The following MON2 variants were observed in gnomAD, a reference collection of about 807,000 sequenced individuals.
MON2 encodes the protein protein MON2 homolog.
In MON2, 84 loss-of-function variants were observed where a neutral mutation model predicts 208.6. That is an observed-to-expected ratio of 0.40 (90% CI 0.34 to 0.48). The LOEUF (loss-of-function observed/expected upper bound fraction) is 0.48. Ranked by LOEUF, MON2 falls within the 20% of genes least tolerant of loss-of-function variation. The probability of loss-of-function intolerance (pLI) is 0.59; values close to 1 mark genes in which losing one functional copy is unlikely to be tolerated. For missense variants in MON2, 1,611 were observed against 2,015.4 expected (o/e 0.80, Z 3.84); for synonymous variants, 660 against 694.0 (o/e 0.95, Z 0.77).
chr12:62,588,910 C>T, intron 34 of MON2: 1 of 1,452,102 alleles, frequency 6.9e-7, no homozygotes, highest in East Asian at 2.5e-5. Flanking sequence ...TTTTTAATCT[C>T]TTAAAGGTAA....
chr12:62,517,240 T>A (rs180952771), intron 8 of MON2, among the ~76,000 whole-genome samples: 2 of 152,198 alleles, frequency 1.3e-5, no homozygotes, highest in Admixed American at 6.5e-5. Flanking sequence ...CCCCTTTTCC[T>A]TTTCATATCC....
chr12:62,516,453 C>T (rs183951764), intron 8 of MON2, among the ~76,000 whole-genome samples: 3 of 152,208 alleles, frequency 2.0e-5, no homozygotes, highest in Non-Finnish European at 2.9e-5. Context: ...GCTTGTAGTC[C>T]CAGCACTTTG....
intron 30 of MON2, among the ~76,000 whole-genome samples, chr12:62,576,638 A>G (rs186966544): frequency 3.3e-5 from 5 of 152,140 alleles, no homozygotes; most frequent in African/African-American, 9.6e-5. Context: ...AAGATCTTAC[A>G]TGGCTTATTT....
chr12:62,578,507 T>G lies in MON2; in HGVS notation c.4575+2T>G. 6.7e-7 allele frequency: 1 copy of G among 1,494,168 alleles called. No homozygotes were observed. The allele number at this position is 1,494,168 out of a possible 1,614,324, so 92.6% of individuals were successfully genotyped here. On this transcript the variant is annotated splice_donor_variant, in intron 31 of 34. Coordinates refer to ENST00000393630, the MANE Select transcript of MON2 (RefSeq NM_015026.3). LOFTEE classifies it high-confidence loss of function. ...AGAAATGAAAATATTGATGTCGAGGTAAGGAGGCTATTTAAAATGTTTTCC... is the reference window on the plus strand; with the variant it reads ...AGAAATGAAAATATTGATGTCGAGGGAAGGAGGCTATTTAAAATGTTTTCC...
chr12:62,539,475 G>A (rs1022900405), intron 19 of MON2, among the ~76,000 whole-genome samples: 1 of 151,746 alleles, frequency 6.6e-6, no homozygotes, highest in Admixed American at 6.6e-5. Context: ...CACTGTGTTA[G>A]CCAGGATGGT....
intron 7 of MON2, among the ~76,000 whole-genome samples, chr12:62,503,314 C>CT (rs2070936811): frequency 6.6e-6 from 1 of 152,130 alleles, no homozygotes; most frequent in Non-Finnish European, 1.5e-5. Flanking sequence ...TGTATCCTCT[C>CT]TTTTTTATAT....
chr12:62,554,417 TG>T (rs1359169535), intron 24 of MON2, among the ~76,000 whole-genome samples: 1 of 152,192 alleles, frequency 6.6e-6, no homozygotes, highest in African/African-American at 2.4e-5. Context: ...ATCAAGTTCC[TG>T]GGTGAAGCTT....
chr12:62,557,283 A>G (rs1276188125), intron 25 of MON2, among the ~76,000 whole-genome samples: 1 of 152,196 alleles, frequency 6.6e-6, no homozygotes, highest in Non-Finnish European at 1.5e-5. Context: ...TTGGTTGTGT[A>G]TATCAGTGGT....
chr12:62,530,692 A>G (rs2072592709), intron 11 of MON2, among the ~76,000 whole-genome samples: 1 of 152,088 alleles, frequency 6.6e-6, no homozygotes, highest in South Asian at 2.1e-4. Context: ...TACTACCATG[A>G]GCATTTGTCT....
chr12:62,502,166 G>A (rs917309932), intron 7 of MON2, among the ~76,000 whole-genome samples: 1 of 152,114 alleles, frequency 6.6e-6, no homozygotes, highest in Non-Finnish European at 1.5e-5. Context: ...GTTGCGGTGA[G>A]CCAAGATCGC....
chr12:62,526,048 G>T lies in MON2; in HGVS notation c.1346G>T (p.Gly449Val). Residue 449 changes from glycine to valine, a missense_variant, in exon 11 of 35, where the codon GGA becomes GTA. Transcript: ENST00000393630. Reference protein sequence around the residue: ...VTLLPAFEYRGTWIPILTITV... With the variant: ...VTLLPAFEYRVTWIPILTITV... ...TTGCTACCAGCATTTGAATATAGGGGAACCTGGATACCTATTCTGACAATC... is the reference window on the plus strand; with the variant it reads ...TTGCTACCAGCATTTGAATATAGGGTAACCTGGATACCTATTCTGACAATC... The T allele has an allele frequency of 6.2e-7, 1 of 1,613,810 alleles. No individual in the cohort carries two copies. Among genetic ancestry groups the T allele is most frequent in the Non-Finnish European group, 8.5e-7 (1 of 1,179,818 alleles).
chr12:62,574,900 G>C (rs2074720534), intron 30 of MON2, among the ~76,000 whole-genome samples: 1 of 152,108 alleles, frequency 6.6e-6, no homozygotes, highest in South Asian at 2.1e-4. Context: ...AAGTTGGGTG[G>C]ATTGCTTGGG....
chr12:62,495,689 CAAAAAA>C (rs56155110), intron 4 of MON2, among the ~76,000 whole-genome samples: 1 of 108,516 alleles, frequency 9.2e-6, no homozygotes, highest in Non-Finnish European at 1.9e-5. Context: ...GACTCCGTCT[CAAAAAA>C]AAAAAAAAAA....
rs143353574 is a variant in MON2, at chr12:62,571,678, T to A, written c.4514+96T>A. On this transcript the variant is annotated intron_variant, in intron 30 of 34. Coordinates refer to ENST00000393630, the MANE Select transcript of MON2 (RefSeq NM_015026.3). ...TGTCTTTATTCATTAACAAAGTAAT[T>A]GATTATAAAGGTTGCTAGATTGTAT... is the stretch of plus-strand genomic sequence containing the variant. The A allele has an allele frequency of 1.8e-3, 1,846 of 1,031,784 alleles. 3 individuals carry two copies. The highest frequency in any genetic ancestry group is 2.2e-3 in the Non-Finnish European group (1,616 of 724,700). 63.9% of individuals were successfully genotyped at this position (1,031,784 alleles called of 1,614,324 possible).
At chr12:62,544,337 T>C (rs1322163568) in intron 20 of MON2, among the ~76,000 whole-genome samples, 10 of 152,068 alleles carry the variant, frequency 6.6e-5, no homozygotes, top group African/African-American at 2.4e-4. Context: ...TTCTAACTAC[T>C]TGGGAGGCTG....
chr12:62,579,597 G>T (rs926705898), intron 31 of MON2, among the ~76,000 whole-genome samples: 6 of 151,840 alleles, frequency 4.0e-5, no homozygotes, highest in African/African-American at 1.2e-4. Flanking sequence ...GTGGTGGTGG[G>T]CCCCTGTAGT....
At chr12:62,469,114 CCTT>C (rs1372513930) in intron 1 of MON2, among the ~76,000 whole-genome samples, 2 of 107,510 alleles carry the variant, frequency 1.9e-5, no homozygotes, top group Non-Finnish European at 3.6e-5. Context: ...TAATTTTTCG[CCTT>C]TTTTTTTTTT....
chr12:62,564,189 A>C (rs1465349220), intron 26 of MON2, among the ~76,000 whole-genome samples: 4 of 152,128 alleles, frequency 2.6e-5, no homozygotes, highest in Non-Finnish European at 5.9e-5. Flanking sequence ...TTATAGCTAA[A>C]TGGCTACATC....
chr12:62,543,187 C>T lies in MON2; in HGVS notation c.2455C>T (p.His819Tyr). ...AATTCTGTGGAGACCTCTGACTGGC[C>T]ATCTACTTGAGGTAAATTCTCTTTC... ...IEILWRPLTGHLLEVCQHPNS... is the reference protein window; with the variant it reads ...IEILWRPLTGYLLEVCQHPNS... The change falls in exon 20 of 35, where the codon CAT becomes TAT. Residue 819 changes from histidine (H) to tyrosine (Y), a missense_variant. Coordinates refer to ENST00000393630, the MANE Select transcript of MON2 (RefSeq NM_015026.3). The T allele has an allele frequency of 6.6e-7, 1 of 1,524,138 alleles. No homozygotes were observed. The highest frequency in any genetic ancestry group is 8.8e-7 in the Non-Finnish European group (1 of 1,131,848). 94.4% of individuals were successfully genotyped at this position (1,524,138 alleles called of 1,614,324 possible).
Sources: gnomAD v4.1 joint callset for allele counts (sites outside exome capture counted in the v4.1 genomes callset) on GRCh38, gnomAD v4.1.1 for gene constraint, MANE v1.5 for transcripts, NCBI Gene and HGNC (gene_info 2026-07-23, HGNC 2026-07-21) for gene names.